Variants in GABRE observed in about 807,000 individuals in gnomAD.
The protein encoded by GABRE is gamma-aminobutyric acid type A receptor subunit epsilon.
GABRE carries 20 observed loss-of-function variants against 31.0 expected under a neutral mutation model. The ratio of observed to expected loss-of-function variants is 0.64; its 90% CI spans 0.45 to 0.94. GABRE has a LOEUF of 0.94. Among genes scored for constraint, GABRE ranks in the 40% least tolerant of loss-of-function variants. The pLI is 0.00. For missense variants in GABRE, 420 were observed against 410.7 expected, an observed-to-expected ratio of 1.02 and a Z score of -0.20; for synonymous variants, 155 against 150.6, an observed-to-expected ratio of 1.03 and a Z score of -0.21.
intron 5 of GABRE, 186 bp downstream of exon 5, chrX:151,961,097 G>A (rs1603098078): frequency 7.2e-6 from 3 of 414,667 alleles, no homozygotes; most frequent in South Asian, 4.4e-5. Context: ...TCAGAGGCAC[G>A]TGGAAGGGAT....
intron 1 of GABRE, chrX:151,971,938 TC>T (rs1470271040): frequency 1.8e-5 from 6 of 327,903 alleles, no homozygotes; most frequent in Non-Finnish European, 2.3e-5. Context: ...ATGCTGTATT[TC>T]CTGATCTAGG....
In GABRE at chrX:151,954,736, TGAA is replaced by T. The variant is rs1262605097; in HGVS notation, c.1483_1485del (p.Phe495del). 8 of 1,206,808 alleles carry T rather than the reference TGAA, an allele frequency of 6.6e-6. No individual in the cohort carries two copies. Among genetic ancestry groups the T allele is most frequent in the East Asian group, 3.0e-5 (1 of 33,745 alleles). On this transcript the variant is annotated inframe_deletion, in exon 9 of 9. Coordinates refer to ENST00000370328, the MANE Select transcript of GABRE (RefSeq NM_004961.4). The stretch of plus-strand genomic sequence containing the variant: ...AGGCAAACAAGCCAGTAGAGCACAT[TGAA>T]GAAGAAGAAAGTCACTGGGAAAACA...
intron 3 of GABRE, 64 bp downstream of exon 3, chrX:151,969,605 T>A: frequency 9.3e-7 from 1 of 1,076,409 alleles, no homozygotes; most frequent in Non-Finnish European, 1.2e-6. Flanking sequence ...AGCAGAAGTC[T>A]GTGGAAGGTC....
chrX:151,971,997 C>T (rs1168580404), intron 1 of GABRE: 1 of 729,314 alleles, frequency 1.4e-6, no homozygotes, highest in African/African-American at 2.4e-5. Context: ...CTGAGCTGTT[C>T]ACTCATGATG....
Position 151,970,311 on chromosome X carries a change from G to C in GABRE, c.148C>G (p.Leu50Val), listed in dbSNP as rs1452942575. The C allele has an allele frequency of 8.3e-7, 1 of 1,210,488 alleles. No individual in the cohort carries two copies. The highest frequency in any genetic ancestry group is 1.1e-6 in the Non-Finnish European group (1 of 895,446). ...PQPQPLENQLLSEETKSTETE... is the reference protein window; with the variant it reads ...PQPQPLENQLVSEETKSTETE... Reference sequence around the variant, plus strand: ...TCAGTTGACTTTGTTTCCTCAGAGAGGAGCTGATTTTCCAGAGGCTGGGGC... The same window carrying C: ...TCAGTTGACTTTGTTTCCTCAGAGACGAGCTGATTTTCCAGAGGCTGGGGC... The change falls in exon 2 of 9, where the codon CTC becomes GTC. Residue 50 changes from leucine (L) to valine (V), a missense_variant. By Grantham distance (32) the Leu-to-Val change is conservative. Coordinates refer to ENST00000370328, the MANE Select transcript of GABRE (RefSeq NM_004961.4).
intron 6 of GABRE, 163 bp from the exon 7 acceptor site, chrX:151,956,023 G>GAA: frequency 2.0e-6 from 1 of 497,287 alleles, no homozygotes; most frequent in Non-Finnish European, 3.3e-6. Context: ...AAGAAGCCCA[G>GAA]AAAAAAGACT....
chrX:151,970,791 G>C (rs747280974), intron 1 of GABRE, among the ~76,000 whole-genome samples: 19 of 112,574 alleles, frequency 1.7e-4, no homozygotes, highest in Admixed American at 2.8e-4. Context: ...AGCAGGCAGA[G>C]GGCCAGGGCT....
Position 151,974,644 on chromosome X carries a change from G to C in GABRE, c.-19C>G. 1.7e-6 allele frequency: 2 copies of C among 1,146,999 alleles called. No individual in the cohort carries two copies. The highest frequency in any genetic ancestry group is 2.3e-6 in the Non-Finnish European group (2 of 852,967). 94.5% of individuals were successfully genotyped at this position (1,146,999 alleles called of 1,213,427 possible). On this transcript the variant is annotated 5_prime_UTR_variant, in exon 1 of 9. Coordinates refer to ENST00000370328, the MANE Select transcript of GABRE (RefSeq NM_004961.4). The stretch of plus-strand genomic sequence containing the variant: ...ACAACATTTCCGCGGAGACCGGCGC[G>C]ACCACCTGCGCGGAGGTCGCGGCTC...
chrX:151,955,654 G>A, intron 7 of GABRE, 54 bp downstream of exon 7: 1 of 1,204,803 alleles, frequency 8.3e-7, no homozygotes, highest in East Asian at 3.0e-5. Context: ...ACTCTGCCCT[G>A]GCCCAGCCAA....
At chrX:151,971,961 C>G (rs758712737) in intron 1 of GABRE, 1 of 562,324 alleles carries the variant, frequency 1.8e-6, no homozygotes, top group African/African-American at 2.7e-5. Flanking sequence ...GTTGGTTACA[C>G]GGGCCTGTTT....
intron 1 of GABRE, among the ~76,000 whole-genome samples, chrX:151,973,003 G>C (rs190007974): frequency 0.015 from 1,639 of 107,422 alleles, 31 homozygotes; most frequent in African/African-American, 0.052. Flanking sequence ...TGAGAAGTGG[G>C]GGGGGGAGGG....
intron 1 of GABRE, chrX:151,971,550 C>A: frequency 6.3e-6 from 1 of 157,708 alleles, no homozygotes; most frequent in Non-Finnish European, 1.2e-5. Flanking sequence ...GAAATACATA[C>A]TAAAACAATT....
In GABRE at chrX:151,954,423, G is replaced by A. The variant is rs907613772; in HGVS notation, c.*278C>T. On this transcript the variant is annotated 3_prime_UTR_variant, in exon 9 of 9. Transcript: ENST00000370328. ...GGGAGCTGATCACTAAGTGGCTGTG[G>A]TTTTGAACACTGAGCATCACGGATG... The A allele has an allele frequency of 6.8e-6, 2 of 292,861 alleles. No homozygotes were observed. The highest frequency in any genetic ancestry group is 1.1e-4 in the East Asian group (2 of 17,494). 24.1% of individuals were successfully genotyped at this position (292,861 alleles called of 1,213,427 possible).
At chrX:151,960,315 AG>A (rs1424705540) in intron 5 of GABRE, among the ~76,000 whole-genome samples, 1 of 112,422 alleles carries the variant, frequency 8.9e-6, no homozygotes, top group African/African-American at 3.2e-5. Flanking sequence ...GGGGAAACAA[AG>A]TAGATAAAGG....
rs1236179468 is a variant in GABRE, at chrX:151,962,551, A to G, written c.435T>C (p.Asn145=). 2.5e-6 allele frequency: 3 copies of G among 1,209,193 alleles called. No homozygotes were observed. Among genetic ancestry groups the G allele is most frequent in the Admixed American group, 2.2e-5 (1 of 45,678 alleles). ...DTFESLVLNG[N]VVSQLWIPDT... ...CCGGGATCCATAGCTGGCTCACCAC[A>G]TTGCCATTCAGAACAAGAGACTCAA... The change falls in exon 4 of 9, where the codon AAT becomes AAC. Residue 145 remains asparagine (N), a synonymous_variant. Transcript: ENST00000370328.
chrX:151,972,173 C>A, intron 1 of GABRE: 1 of 753,674 alleles, frequency 1.3e-6, no homozygotes, highest in Non-Finnish European at 1.6e-6. Context: ...ATTTTTTCTG[C>A]AGTATTTCAA....
intron 6 of GABRE, chrX:151,958,427 T>A: frequency 3.5e-6 from 1 of 288,909 alleles, no homozygotes; most frequent in East Asian, 1.1e-4. Context: ...GTCCCAAAGA[T>A]AACTCTGACA....
chrX:151,972,027 A>G, intron 1 of GABRE: 3 of 751,660 alleles, frequency 4.0e-6, no homozygotes, highest in Non-Finnish European at 4.7e-6. Context: ...TTCTACTGGC[A>G]CGTCACACTT....
chrX:151,955,971 A>G, intron 6 of GABRE, 111 bp from the exon 7 acceptor site: 3 of 767,474 alleles, frequency 3.9e-6, no homozygotes, highest in Non-Finnish European at 5.8e-6. Flanking sequence ...TCCCTAGGAT[A>G]GAGGCATGAT....
Sources: gnomAD v4.1 joint callset for allele counts (sites outside exome capture counted in the v4.1 genomes callset) on GRCh38, gnomAD v4.1.1 for gene constraint, MANE v1.5 for transcripts, NCBI Gene and HGNC (gene_info 2026-07-23, HGNC 2026-07-21) for gene names.